EPHX2: variants seen among roughly 807,000 people sequenced by gnomAD.
EPHX2 encodes epoxide hydrolase 2.
EPHX2 carries 74 observed loss-of-function variants against 78.7 expected under a neutral mutation model. The observed-to-expected ratio is 0.94, with a 90% confidence interval of 0.78 to 1.14. The LOEUF (loss-of-function observed/expected upper bound fraction) is 1.14. Ranked by LOEUF, EPHX2 falls within the 50% of genes most tolerant of loss-of-function variation. The probability of loss-of-function intolerance (pLI) is 0.00; values close to 1 mark genes in which losing one functional copy is unlikely to be tolerated. For missense variants in EPHX2, 715 were observed against 702.5 expected (o/e 1.02, Z -0.20); for synonymous variants, 251 against 255.2 (o/e 0.98, Z 0.16).
intron 11 of EPHX2, among the ~76,000 whole-genome samples, chr8:27,523,346 A>T (rs1814716605): frequency 6.6e-6 from 1 of 152,160 alleles, no homozygotes; most frequent in East Asian, 1.9e-4. Context: ...TCATTCTTAG[A>T]CCAGCATTTC....
intron 3 of EPHX2, 24 bp downstream of exon 3, chr8:27,503,787 C>T (rs760306398): frequency 6.2e-7 from 1 of 1,602,306 alleles, no homozygotes; most frequent in East Asian, 2.2e-5. Context: ...ACTGGCCAAT[C>T]TCAGGCCGAA....
chr8:27,540,418 A>G (rs868656461), intron 14 of EPHX2, 136 bp from the exon 15 acceptor site: 12 of 682,818 alleles, frequency 1.8e-5, no homozygotes, highest in East Asian at 1.6e-4. Context: ...GGCAAAGGAT[A>G]AGGGAACAAA....
At chr8:27,503,899 C>T in intron 3 of EPHX2, 136 bp downstream of exon 3, 1 of 1,131,776 alleles carries the variant, frequency 8.8e-7, no homozygotes, top group South Asian at 1.8e-5. Context: ...AAACATGGCC[C>T]CAAAGCAAGT....
At chr8:27,538,088 T>G (rs1267235796) in intron 13 of EPHX2, among the ~76,000 whole-genome samples, 1 of 152,216 alleles carries the variant, frequency 6.6e-6, no homozygotes, top group Non-Finnish European at 1.5e-5. Flanking sequence ...ATGCAGAGAA[T>G]GCAAACTCAA....
chr8:27,508,414 TA>T (rs1814098523), intron 5 of EPHX2, among the ~76,000 whole-genome samples: 1 of 152,258 alleles, frequency 6.6e-6, no homozygotes, highest in East Asian at 1.9e-4. Context: ...GTGAATAAAT[TA>T]AAATGTATAC....
intron 6 of EPHX2, chr8:27,512,229 CCT>C: frequency 3.1e-6 from 1 of 322,654 alleles, no homozygotes; most frequent in Middle Eastern, 1.0e-3. Context: ...AAAGACAGAC[CCT>C]GTCTCGGATT....
At chr8:27,506,055 C>G (rs1813994104) in intron 4 of EPHX2, among the ~76,000 whole-genome samples, 1 of 152,134 alleles carries the variant, frequency 6.6e-6, no homozygotes. Context: ...GTGAAGCGAT[C>G]ATAGCTCACT....
chr8:27,505,512 C>T (rs7357474), intron 4 of EPHX2, among the ~76,000 whole-genome samples: 137 of 152,338 alleles, frequency 9.0e-4, no homozygotes, highest in African/African-American at 3.2e-3. Flanking sequence ...TGAGGACAGG[C>T]TCCGGTATTG....
intron 1 of EPHX2, among the ~76,000 whole-genome samples, chr8:27,499,935 C>A (rs1319096970): frequency 1.3e-5 from 2 of 152,156 alleles, no homozygotes; most frequent in Non-Finnish European, 2.9e-5. Context: ...TTAGAGCCCA[C>A]CTGTATGATC....
rs1426886462 is a variant in EPHX2, at chr8:27,505,155, A to G, written c.537+9A>G. ...AGGCCAGCCCCAGTGAGGTACGGAG[A>G]CACTTCCTTATGGCAGAGAAGGATG... On this transcript the variant is annotated intron_variant, in intron 4 of 18. Transcript: ENST00000521400. The G allele has an allele frequency of 1.2e-6, 2 of 1,613,696 alleles. No individual in the cohort carries two copies. The highest frequency in any genetic ancestry group is 1.7e-6 in the Non-Finnish European group (2 of 1,179,830).
intron 12 of EPHX2, among the ~76,000 whole-genome samples, chr8:27,526,757 A>T (rs1365130534): frequency 1.3e-5 from 2 of 151,940 alleles, no homozygotes; most frequent in Non-Finnish European, 2.9e-5. Flanking sequence ...CCATTAAAAA[A>T]AATTTTTTTT....
At position 27,525,067 on chromosome 8, in the gene EPHX2, A is replaced by ACT. The variant is rs1563355120; in HGVS notation, c.1059-294_1059-293dup. ...TATCCAGGGTTGCTACAGTATGTGT[A>ACT]CTGTGTGTGTGTGTGTGTGTGTGTG... On this transcript the variant is annotated intron_variant, in intron 11 of 18. Coordinates refer to ENST00000521400, the MANE Select transcript of EPHX2 (RefSeq NM_001979.6). 6.7e-5 allele frequency among the ~76,000 whole-genome samples: 7 copies of ACT among 104,818 alleles called. No homozygotes were observed. The South Asian group carries it at 2.3e-3, about 34-fold the overall frequency. The allele number at this position is 104,818 out of a possible 152,430, so 68.8% of individuals were successfully genotyped here.
downstream of EPHX2, among the ~76,000 whole-genome samples, chr8:27,547,132 T>C (rs1322804349): frequency 6.6e-6 from 1 of 152,154 alleles, no homozygotes; most frequent in Admixed American, 6.5e-5. Context: ...TCCAACATCG[T>C]GGATTACAAT....
Position 27,544,752 on chromosome 8 carries a change from C to A in EPHX2, c.*230C>A. Reference sequence around the variant, plus strand: ...AGTTCTCCAGGCATGAATGCATCGTCCCTTTATCTGTAAGAACCCTTAGTG... The same window carrying A: ...AGTTCTCCAGGCATGAATGCATCGTACCTTTATCTGTAAGAACCCTTAGTG... On this transcript the variant is annotated 3_prime_UTR_variant, in exon 19 of 19. Transcript: ENST00000521400. 2 of 566,708 alleles carry A rather than the reference C, an allele frequency of 3.5e-6. No homozygotes were observed. Among genetic ancestry groups the A allele is most frequent in the South Asian group, 2.2e-5 (1 of 45,042 alleles). The allele number at this position is 566,708 out of a possible 1,614,324, so 35.1% of individuals were successfully genotyped here. A position where few individuals can be genotyped will look rare whatever the true frequency, so the allele number is the denominator to read the frequency against.
chr8:27,536,052 A>T (rs1815200552), intron 12 of EPHX2, among the ~76,000 whole-genome samples: 1 of 152,154 alleles, frequency 6.6e-6, no homozygotes, highest in Admixed American at 6.5e-5. Flanking sequence ...ACAGCCAGAG[A>T]ACTGTGTGTC....
chr8:27,509,289 T>G (rs927795363), intron 5 of EPHX2, among the ~76,000 whole-genome samples: 3 of 152,158 alleles, frequency 2.0e-5, no homozygotes, highest in Admixed American at 2.0e-4. Flanking sequence ...CAAGGACGCC[T>G]GAGTTGCTTT....
At chr8:27,496,820 T>C (rs1813590028) in intron 1 of EPHX2, among the ~76,000 whole-genome samples, 1 of 152,200 alleles carries the variant, frequency 6.6e-6, no homozygotes, top group Admixed American at 6.5e-5. Context: ...TTCCGAATTG[T>C]CCTTTCAATG....
rs564175317 is a variant in EPHX2, at chr8:27,530,075, T to C, written c.1170+4602T>C. On this transcript the variant is annotated intron_variant, in intron 12 of 18. Transcript: ENST00000521400. ...ACATTGAGTCTCTCTCTCTTTTTTT[T>C]TTTTTCTGCTGTGTTGCCCAGGCTG... Among the ~76,000 whole-genome samples the C allele has an allele frequency of 2.1e-3, 318 of 151,728 alleles. 1 individual carries two copies. Among genetic ancestry groups the C allele is most frequent in the African/African-American group, 7.0e-3 (292 of 41,422 alleles).
chr8:27,513,649 T>C (rs1219616145), intron 6 of EPHX2, among the ~76,000 whole-genome samples: 1 of 152,210 alleles, frequency 6.6e-6, no homozygotes, highest in Non-Finnish European at 1.5e-5. Flanking sequence ...GTTCTGGCTT[T>C]ATGGACATTT....
Sources: allele counts gnomAD v4.1 joint callset (sites outside exome capture counted in the v4.1 genomes callset), GRCh38; gene constraint gnomAD v4.1.1; transcripts MANE v1.5; gene names NCBI Gene and HGNC (gene_info 2026-07-23, HGNC 2026-07-21).